Variants in GABRG1 observed in about 807,000 individuals in gnomAD.
GABRG1 encodes gamma-aminobutyric acid receptor subunit gamma-1.
A neutral mutation model predicts 49.8 loss-of-function variants in GABRG1; 49 were observed. That is an observed-to-expected ratio of 0.98 (90% CI 0.78 to 1.25). GABRG1 has a LOEUF of 1.25. GABRG1 is among the 50% of genes most tolerant of loss of function. The pLI is 0.00. For synonymous variants in GABRG1, 232 were observed against 185.1 expected, an observed-to-expected ratio of 1.25 and a Z score of -2.06; for missense variants, 552 against 552.3, an observed-to-expected ratio of 1.00 and a Z score of 0.01.
chr4:46,097,006 T>A (rs1238177859), intron 2 of GABRG1, among the ~76,000 whole-genome samples, 195 bp downstream of exon 2: 2 of 151,584 alleles, frequency 1.3e-5, no homozygotes, highest in Non-Finnish European at 3.0e-5. Context: ...ATTACATTAA[T>A]TTTTTTTCTT....
chr4:46,051,351 C>T (rs752609556), intron 8 of GABRG1, 73 bp downstream of exon 8: 112 of 1,170,374 alleles, frequency 9.6e-5, no homozygotes, highest in Non-Finnish European at 1.3e-4. Context: ...TGTAAACAAA[C>T]ACATAAATAT....
At chr4:46,080,841 G>A (rs1233716557) in intron 3 of GABRG1, among the ~76,000 whole-genome samples, 1 of 151,710 alleles carries the variant, frequency 6.6e-6, no homozygotes, top group Non-Finnish European at 1.5e-5. Flanking sequence ...CTAGGCATTG[G>A]TTACTTAGAA....
chr4:46,108,056 C>T (rs1013387963), intron 1 of GABRG1, among the ~76,000 whole-genome samples: 1 of 150,832 alleles, frequency 6.6e-6, no homozygotes, highest in Non-Finnish European at 1.5e-5. Context: ...TCAGAAGGAA[C>T]ATTAGAAATA....
In GABRG1 at chr4:46,065,364, C is replaced by G. The variant is rs749809599; in HGVS notation, c.542G>C (p.Arg181Thr). ...CTACAGATTTTTAAACCAATATTACCTTAGAGTATACAGAACTCGTCCATC... is the reference window on the plus strand; with the variant it reads ...CTACAGATTTTTAAACCAATATTACGTTAGAGTATACAGAACTCGTCCATC... ...WNDGRVLYTLRLTINAECYLQ... is the reference protein window; with the variant it reads ...WNDGRVLYTLTLTINAECYLQ... The change falls in exon 4 of 9, where the codon AGA becomes ACA. Residue 181 changes from arginine to threonine, a missense_variant and splice_region_variant. Physicochemically the swap from Arg to Thr is moderately conservative, Grantham distance 71 (BLOSUM62 -1). Transcript: ENST00000295452. 1.3e-6 allele frequency: 2 copies of G among 1,559,636 alleles called. No individual in the cohort carries two copies. Among genetic ancestry groups the G allele is most frequent in the Non-Finnish European group, 1.8e-6 (2 of 1,131,354 alleles).
chr4:46,084,089 T>C (rs781086433), intron 2 of GABRG1, 36 bp from the exon 3 acceptor site: 5 of 1,149,936 alleles, frequency 4.3e-6, no homozygotes, highest in Admixed American at 2.0e-5. Flanking sequence ...GTCAAAGATA[T>C]GATTAGACAT....
At chr4:46,091,394 C>A (rs1477409280) in intron 2 of GABRG1, among the ~76,000 whole-genome samples, 3 of 152,016 alleles carry the variant, frequency 2.0e-5, no homozygotes, top group Non-Finnish European at 4.4e-5. Context: ...AAAATTAAGA[C>A]ACATTCCATG....
chr4:46,086,529 G>A (rs1719759802), intron 2 of GABRG1, among the ~76,000 whole-genome samples: 1 of 151,158 alleles, frequency 6.6e-6, no homozygotes, highest in Admixed American at 6.6e-5. Flanking sequence ...AATTAATTTA[G>A]GTCAATTAAA....
At chr4:46,058,390 A>C in intron 6 of GABRG1, 21 bp from the exon 7 acceptor site, 13 of 1,598,750 alleles carry the variant, frequency 8.1e-6, no homozygotes, top group Non-Finnish European at 1.0e-5. Flanking sequence ...AAAAAGTTTT[A>C]TTTTGGCTAT....
intron 2 of GABRG1, among the ~76,000 whole-genome samples, chr4:46,096,947 G>T (rs557992852): frequency 6.6e-6 from 1 of 151,686 alleles, no homozygotes; most frequent in South Asian, 2.1e-4. Flanking sequence ...TCAGTCTTAG[G>T]CAGTTTTATC....
At chr4:46,091,706 G>A (rs187295873) in intron 2 of GABRG1, among the ~76,000 whole-genome samples, 88 of 152,130 alleles carry the variant, frequency 5.8e-4, no homozygotes, top group African/African-American at 2.0e-3. Context: ...TGACATAGCA[G>A]AGGTCAAACA....
At chr4:46,105,791 T>TGATA (rs10660132) in intron 1 of GABRG1, among the ~76,000 whole-genome samples, 74,577 of 144,384 alleles carry the variant, frequency 0.52, 19,407 homozygotes, top group Middle Eastern at 0.61. Context: ...GGTAGATAGA[T>TGATA]GATAGATAGA....
chr4:46,084,874 T>G (rs1259154663), intron 2 of GABRG1, among the ~76,000 whole-genome samples: 1 of 151,646 alleles, frequency 6.6e-6, no homozygotes, highest in Non-Finnish European at 1.5e-5. Flanking sequence ...ATGAGTTGCT[T>G]TAACTGTTTC....
chr4:46,043,269 AG>A (rs1717856030), intron 8 of GABRG1, among the ~76,000 whole-genome samples: 1 of 151,964 alleles, frequency 6.6e-6, no homozygotes, highest in Middle Eastern at 3.2e-3. Context: ...AAAAACTGCA[AG>A]GGGTTTATTT....
intron 1 of GABRG1, among the ~76,000 whole-genome samples, chr4:46,106,171 G>C (rs1720540775): frequency 6.6e-6 from 1 of 151,418 alleles, no homozygotes; most frequent in East Asian, 2.0e-4. Flanking sequence ...CAAAAGGTTA[G>C]CCAGACTTTC....
At chr4:46,084,518 A>G (rs1230442867) in intron 2 of GABRG1, among the ~76,000 whole-genome samples, 1 of 151,598 alleles carries the variant, frequency 6.6e-6, no homozygotes, top group African/African-American at 2.4e-5. Flanking sequence ...TTTCAATCTG[A>G]CAGAGCCCTC....
chr4:46,060,179 T>A (rs1258607626), intron 5 of GABRG1, among the ~76,000 whole-genome samples: 1 of 152,022 alleles, frequency 6.6e-6, no homozygotes, highest in Non-Finnish European at 1.5e-5. Context: ...GACTTGTAAT[T>A]AGATTCTCTC....
intron 1 of GABRG1, among the ~76,000 whole-genome samples, chr4:46,101,319 T>C (rs1396557689): frequency 6.6e-6 from 1 of 151,632 alleles, no homozygotes; most frequent in Non-Finnish European, 1.5e-5. Context: ...GCACAACATA[T>C]ACCTTTATTG....
At chr4:46,091,036 G>A (rs986349526) in intron 2 of GABRG1, among the ~76,000 whole-genome samples, 4 of 150,346 alleles carry the variant, frequency 2.7e-5, no homozygotes, top group African/African-American at 9.8e-5. Context: ...TCCCCTCAAG[G>A]CATTTGCTGT....
At chr4:46,049,938 G>C (rs1718150661) in intron 8 of GABRG1, among the ~76,000 whole-genome samples, 1 of 151,814 alleles carries the variant, frequency 6.6e-6, no homozygotes, top group South Asian at 2.1e-4. Flanking sequence ...ATTGTACATT[G>C]CCTGGCCTCT....
Sources: gnomAD v4.1 joint callset for allele counts (sites outside exome capture counted in the v4.1 genomes callset) on GRCh38, gnomAD v4.1.1 for gene constraint, MANE v1.5 for transcripts, NCBI Gene and HGNC (gene_info 2026-07-23, HGNC 2026-07-21) for gene names.